CENPQ: variants seen among roughly 807,000 people sequenced by gnomAD.
CENPQ encodes chromosome 6 open reading frame 139.
Under a neutral mutation model 36.6 loss-of-function variants are expected in CENPQ, and 27 were observed. The observed-to-expected ratio is 0.74, with a 90% CI of 0.54 to 1.02. The LOEUF is 1.02. Ranked by LOEUF, CENPQ falls within the 50% of genes least tolerant of loss-of-function variation. CENPQ has a pLI of 0.00. For synonymous variants in CENPQ, 101 were observed against 101.7 expected (o/e 0.99, Z 0.04); for missense variants, 306 against 301.8 (o/e 1.01, Z -0.10).
intron 5 of CENPQ, among the ~76,000 whole-genome samples, chr6:49,476,375 G>C (rs1260479477): frequency 6.6e-6 from 1 of 152,162 alleles, no homozygotes; most frequent in Non-Finnish European, 1.5e-5. Context: ...GCCATATGTA[G>C]AAAGCTGAAA....
intron 5 of CENPQ, among the ~76,000 whole-genome samples, chr6:49,473,458 A>G (rs943076284): frequency 6.8e-4 from 103 of 152,162 alleles, no homozygotes; most frequent in Non-Finnish European, 1.1e-3. Context: ...TCCTTTACAG[A>G]CAAGCAAATG....
chr6:49,476,074 A>C (rs1203141392), intron 5 of CENPQ, among the ~76,000 whole-genome samples: 3 of 151,640 alleles, frequency 2.0e-5, no homozygotes, highest in Non-Finnish European at 3.0e-5. Context: ...GAAAAAAAAA[A>C]CTAAAGTTCA....
intron 4 of CENPQ, 118 bp downstream of exon 4, chr6:49,472,301 G>T (rs1768161185): frequency 2.4e-6 from 2 of 831,974 alleles, no homozygotes; most frequent in Non-Finnish European, 3.3e-6. Context: ...TTCTATTTCG[G>T]AAGCAGATAA....
intron 8 of CENPQ, 82 bp downstream of exon 8, chr6:49,488,766 A>G: frequency 9.5e-7 from 1 of 1,050,288 alleles, no homozygotes. Flanking sequence ...CAAAAAAGCA[A>G]ATACTGCAAT....
intron 1 of CENPQ, among the ~76,000 whole-genome samples, chr6:49,464,599 A>C (rs2127422270): frequency 6.6e-6 from 1 of 152,352 alleles, no homozygotes; most frequent in African/African-American, 2.4e-5. Flanking sequence ...CCATTGCTTT[A>C]GCAACTAAGG....
Position 49,488,672 on chromosome 6 carries a change from A to G in CENPQ, c.663A>G (p.Ala221=). The G allele has an allele frequency of 6.2e-7, 1 of 1,612,684 alleles. No homozygotes were observed. Among genetic ancestry groups the G allele is most frequent in the South Asian group, 1.1e-5 (1 of 91,046 alleles). Residue 221 remains alanine, a synonymous_variant, in exon 8 of 9, where the codon GCA becomes GCG. Coordinates refer to ENST00000335783, the MANE Select transcript of CENPQ (RefSeq NM_018132.4). ...AACTTTCTCAGAAAACTCTCAAAGC[A>G]CCCACACTTCAGGTAAGTGCCTATT... The part of the protein sequence containing the change: ...LPELSQKTLK[A]PTLQKEILAL...
Position 49,486,551 on chromosome 6 carries a change from A to G in CENPQ, c.478-1801A>G, listed in dbSNP as rs147257285. Among the ~76,000 whole-genome samples the G allele has an allele frequency of 8.6e-4, 131 of 152,264 alleles. 1 individual carries two copies. The highest frequency in any genetic ancestry group is 2.9e-3 in the African/African-American group (122 of 41,554). On this transcript the variant is annotated intron_variant, in intron 6 of 8. Coordinates refer to ENST00000335783, the MANE Select transcript of CENPQ (RefSeq NM_018132.4). ...AAATAAATTGAAATGGAAGCCTTCTATGGATGAAAAGAGACTCAGACATAT... is the reference window on the plus strand; with the variant it reads ...AAATAAATTGAAATGGAAGCCTTCTGTGGATGAAAAGAGACTCAGACATAT...
At chr6:49,467,546 A>G (rs1031243263) in intron 1 of CENPQ, among the ~76,000 whole-genome samples, 3 of 152,250 alleles carry the variant, frequency 2.0e-5, no homozygotes, top group African/African-American at 7.2e-5. Context: ...GGCAAAGACA[A>G]GGCTAATTAT....
intron 5 of CENPQ, among the ~76,000 whole-genome samples, chr6:49,473,376 C>G (rs1402657228): frequency 6.6e-6 from 1 of 152,154 alleles, no homozygotes; most frequent in Admixed American, 6.6e-5. Context: ...TCAATAATTA[C>G]TTTTCTCTAG....
At chr6:49,472,017 G>A (rs1314255275) in intron 3 of CENPQ, 46 bp from the exon 4 acceptor site, 1 of 1,519,536 alleles carries the variant, frequency 6.6e-7, no homozygotes, top group African/African-American at 1.4e-5. Flanking sequence ...GCAAAAACAT[G>A]TAAAACATCT....
intron 6 of CENPQ, among the ~76,000 whole-genome samples, chr6:49,481,705 G>C (rs1445562889): frequency 6.6e-6 from 1 of 152,112 alleles, no homozygotes; most frequent in African/African-American, 2.4e-5. Flanking sequence ...TACAATCCCT[G>C]AGCTAGACAC....
At chr6:49,470,066 A>G in intron 1 of CENPQ, 93 bp from the exon 2 acceptor site, 1 of 576,528 alleles carries the variant, frequency 1.7e-6, no homozygotes, top group Non-Finnish European at 3.0e-6. Context: ...AATGTGGAAC[A>G]TTTACAGGAT....
chr6:49,487,048 G>A (rs896244136), intron 6 of CENPQ, among the ~76,000 whole-genome samples: 71 of 148,294 alleles, frequency 4.8e-4, no homozygotes, highest in African/African-American at 1.6e-3. Context: ...AGCTACTTGG[G>A]AGGCTGAGGC....
rs200718828 is a variant in CENPQ, at chr6:49,481,098, G to C, written c.477+18G>C. The C allele has an allele frequency of 1.3e-5, 21 of 1,575,110 alleles. No homozygotes were observed. In the East Asian group the frequency reaches 3.2e-4, roughly 24 times the overall value. ...TACTACAGGTATGAAATTTGAATAG[G>C]GAATCCATAATTAGAGAGTTAGGGA... On this transcript the variant is annotated intron_variant, in intron 6 of 8. Transcript: ENST00000335783.
chr6:49,483,943 A>G (rs1327196919), intron 6 of CENPQ, among the ~76,000 whole-genome samples: 2 of 152,208 alleles, frequency 1.3e-5, no homozygotes, highest in Non-Finnish European at 1.5e-5. Flanking sequence ...AGGAGTGAGC[A>G]AGGGCTGCAA....
At chr6:49,465,581 G>T (rs1363601360) in intron 1 of CENPQ, among the ~76,000 whole-genome samples, 1 of 152,186 alleles carries the variant, frequency 6.6e-6, no homozygotes, top group Non-Finnish European at 1.5e-5. Flanking sequence ...TGGATAACTT[G>T]CTGCAGCTTC....
intron 5 of CENPQ, among the ~76,000 whole-genome samples, chr6:49,477,615 A>G (rs1768329135): frequency 6.6e-6 from 1 of 152,050 alleles, no homozygotes; most frequent in African/African-American, 2.4e-5. Context: ...AAGTTTGCCT[A>G]GAAATATTTG....
chr6:49,490,887 C>T (rs925555139), intron 8 of CENPQ, among the ~76,000 whole-genome samples: 5 of 152,168 alleles, frequency 3.3e-5, no homozygotes, highest in African/African-American at 1.2e-4. Flanking sequence ...GCAGTTATGG[C>T]ACCCAGAACA....
intron 4 of CENPQ, 132 bp downstream of exon 4, chr6:49,472,315 T>A: frequency 2.8e-6 from 2 of 713,744 alleles, no homozygotes; most frequent in Non-Finnish European, 4.0e-6. Context: ...CAGATAAAAT[T>A]AATGTGACGG....
Sources: allele counts gnomAD v4.1 joint callset (sites outside exome capture counted in the v4.1 genomes callset), GRCh38; gene constraint gnomAD v4.1.1; transcripts MANE v1.5; gene names NCBI Gene and HGNC (gene_info 2026-07-23, HGNC 2026-07-21).